RPS6KA1: variants seen among roughly 807,000 people sequenced by gnomAD.
RPS6KA1 encodes ribosomal protein S6 kinase alpha-1.
In RPS6KA1, 48 loss-of-function variants were observed where a neutral mutation model predicts 91.3. The observed-to-expected ratio is 0.53, with a 90% CI of 0.42 to 0.67. RPS6KA1 has a LOEUF of 0.67. RPS6KA1 is among the 30% of genes least tolerant of loss of function. The pLI is 0.00. For synonymous variants in RPS6KA1, 359 were observed against 384.7 expected (o/e 0.93, Z 0.78); for missense variants, 719 against 960.5 (o/e 0.75, Z 3.32).
In RPS6KA1 at chr1:26,547,131, T is replaced by A; in HGVS notation, c.226-58T>A. ...GCTTGGGGCTCAGAGAAGATAGAGG[T>A]CAGCCTGGACTCAGACCTCTCCCAT... On this transcript the variant is annotated intron_variant, in intron 3 of 21. Transcript: ENST00000374168. The surrounding 1 kb of genome is among the most constrained non-coding windows in gnomAD (Gnocchi z 4.1). 6.3e-7 allele frequency: 1 copy of A among 1,584,924 alleles called. No homozygotes were observed. Among genetic ancestry groups the A allele is most frequent in the Non-Finnish European group, 8.7e-7 (1 of 1,154,182 alleles).
chr1:26,538,532 A>G lies in RPS6KA1; in HGVS notation c.108+1563A>G, dbSNP rs1021188213. 3.3e-5 allele frequency among the ~76,000 whole-genome samples: 5 copies of G among 152,322 alleles called. 1 individual carries two copies. Among genetic ancestry groups the G allele is most frequent in the South Asian group, 4.1e-4 (2 of 4,830 alleles). The stretch of plus-strand genomic sequence containing the variant: ...AGACAGGGCTGGAGATGGATGGGAC[A>G]TGGAGTCTCGAATGCCACTTAAGGA... On this transcript the variant is annotated intron_variant, in intron 2 of 21. Coordinates refer to ENST00000374168, the MANE Select transcript of RPS6KA1 (RefSeq NM_002953.4).
Position 26,554,575 on chromosome 1 carries a change from C to G in RPS6KA1, c.614-21C>G. On this transcript the variant is annotated intron_variant, in intron 8 of 21. Coordinates refer to ENST00000374168, the MANE Select transcript of RPS6KA1 (RefSeq NM_002953.4). This position sits in a 1 kb window ranked among gnomAD's most constrained non-coding sequence, Gnocchi z 4.6. ...GAAGGCAGGGGTCCTAAGGTGTGTC[C>G]TCCTGCCCTCCTTGCTGTAGACTTT... is the stretch of plus-strand genomic sequence containing the variant. The G allele has an allele frequency of 6.2e-7, 1 of 1,604,140 alleles. No homozygotes were observed. Among genetic ancestry groups the G allele is most frequent in the South Asian group, 1.1e-5 (1 of 90,318 alleles).
At position 26,530,849 on chromosome 1, in the gene RPS6KA1, C is replaced by T. The variant is rs113159931; in HGVS notation, c.63+866C>T. 111 of 1,286,402 alleles carry T rather than the reference C, an allele frequency of 8.6e-5. 1 individual carries two copies. In the African/African-American group the frequency reaches 1.5e-3, roughly 17 times the overall value. 79.7% of individuals were successfully genotyped at this position (1,286,402 alleles called of 1,614,324 possible). A position where few individuals can be genotyped will look rare whatever the true frequency, so the allele number is the denominator to read the frequency against. Reference sequence around the variant, plus strand: ...TGACCCCAGGGTCAAGGTCAAGCCCCTGAATGAGCTGGTGGAAAACTTCCT... The same window carrying T: ...TGACCCCAGGGTCAAGGTCAAGCCCTTGAATGAGCTGGTGGAAAACTTCCT... On this transcript the variant is annotated intron_variant, in intron 1 of 21. Transcript: ENST00000374168.
chr1:26,562,019 A>C (rs534585335), intron 17 of RPS6KA1, among the ~76,000 whole-genome samples: 4 of 152,090 alleles, frequency 2.6e-5, no homozygotes, highest in Non-Finnish European at 4.4e-5. Context: ...CCTGGCCAAC[A>C]TGGTGAAACC....
intron 2 of RPS6KA1, chr1:26,546,076 C>T: frequency 6.3e-7 from 1 of 1,597,560 alleles, no homozygotes; most frequent in Non-Finnish European, 8.5e-7. Context: ...TGGCTGTGTC[C>T]CTTGCAGCAG....
Position 26,529,881 on chromosome 1 carries a change from G to C in RPS6KA1, c.-40G>C. 2.1e-6 allele frequency: 3 copies of C among 1,396,076 alleles called. No individual in the cohort carries two copies. Among genetic ancestry groups the C allele is most frequent in the Non-Finnish European group, 2.8e-6 (3 of 1,070,358 alleles). 86.5% of individuals were successfully genotyped at this position (1,396,076 alleles called of 1,614,324 possible). Reference sequence around the variant, plus strand: ...CCAGGACCCGGGAGGCGGCGCAGCCGGGGCCGCCGGAGGAGCGCGGGTGAC... The same window carrying C: ...CCAGGACCCGGGAGGCGGCGCAGCCCGGGCCGCCGGAGGAGCGCGGGTGAC... On this transcript the variant is annotated 5_prime_UTR_variant, in exon 1 of 22. Coordinates refer to ENST00000374168, the MANE Select transcript of RPS6KA1 (RefSeq NM_002953.4). The surrounding 1 kb of genome is among the most constrained non-coding windows in gnomAD (Gnocchi z 4.2).
chr1:26,549,402 C>G (rs2076025983), intron 4 of RPS6KA1, among the ~76,000 whole-genome samples: 2 of 151,914 alleles, frequency 1.3e-5, no homozygotes, highest in African/African-American at 2.4e-5. Flanking sequence ...GAAACCCTGT[C>G]TCTACTAAAA....
chr1:26,573,119 A>T (rs1039888086), intron 20 of RPS6KA1, 105 bp from the exon 21 acceptor site: 1 of 1,228,464 alleles, frequency 8.1e-7, no homozygotes, highest in East Asian at 2.3e-5. Flanking sequence ...GGCTGCCGCA[A>T]GGGTTCAGGC....
chr1:26,533,864 C>CGGACCCA (rs2075886880), intron 1 of RPS6KA1, among the ~76,000 whole-genome samples: 1 of 152,128 alleles, frequency 6.6e-6, no homozygotes, highest in Non-Finnish European at 1.5e-5. Flanking sequence ...CAGATGACCC[C>CGGACCCA]GGACCCAGGA....
rs542314451 is a variant in RPS6KA1 at position 26,558,611 on chromosome 1, C to A, written c.1085-196C>A. Among the ~76,000 whole-genome samples the A allele has an allele frequency of 1.3e-5, 2 of 152,170 alleles. No individual in the cohort carries two copies. Among genetic ancestry groups the A allele is most frequent in the East Asian group, 3.9e-4 (2 of 5,194 alleles). The stretch of plus-strand genomic sequence containing the variant: ...GTGAGAGTCTTTTTTGTTCCTCATG[C>A]GACAGGACTGGGCTGGTCTAATAAA... On this transcript the variant is annotated intron_variant, in intron 13 of 21. Coordinates refer to ENST00000374168, the MANE Select transcript of RPS6KA1 (RefSeq NM_002953.4). The surrounding 1 kb of genome is among the most constrained non-coding windows in gnomAD (Gnocchi z 4.0).
chr1:26,569,060 G>A (rs1042107159), intron 17 of RPS6KA1, among the ~76,000 whole-genome samples: 2 of 151,912 alleles, frequency 1.3e-5, no homozygotes, highest in Non-Finnish European at 2.9e-5. Flanking sequence ...GCATGGTGGT[G>A]CACACCTGTA....
At chr1:26,567,265 A>AT (rs2076210984) in intron 17 of RPS6KA1, among the ~76,000 whole-genome samples, 1 of 151,980 alleles carries the variant, frequency 6.6e-6, no homozygotes, top group South Asian at 2.1e-4. Context: ...GGCTCAAGCG[A>AT]TTCTCCCACC....
chr1:26,546,760 C>G (rs2075998162), intron 2 of RPS6KA1, 107 bp from the exon 3 acceptor site: 2 of 782,158 alleles, frequency 2.6e-6, no homozygotes, highest in Admixed American at 4.2e-5. Flanking sequence ...GTCTATTGGG[C>G]CTTTAGGTTC....
chr1:26,553,481 G>C lies in RPS6KA1; in HGVS notation c.559G>C (p.Asp187His), dbSNP rs749627318. 2 of 1,610,874 alleles carry C rather than the reference G, an allele frequency of 1.2e-6. No individual in the cohort carries two copies. The highest frequency in any genetic ancestry group is 2.2e-5 in the South Asian group (2 of 90,738). The change falls in exon 7 of 22, where the codon GAC becomes CAC. Residue 187 changes from aspartate to histidine, a missense_variant. Asp to His is a moderately conservative substitution (Grantham distance 81). Around this residue, in one of 5 missense-constraint regions of RPS6KA1, gnomAD observed 159 missense variants for 264.5 expected, o/e 0.60. Transcript: ENST00000374168. ...GCACAGCCTGGGTATCATTTACAGAGACCTCAAGCCTGAGAAGTGAGTGAA... is the reference window on the plus strand; with the variant it reads ...GCACAGCCTGGGTATCATTTACAGACACCTCAAGCCTGAGAAGTGAGTGAA... ...HLHSLGIIYR[D>H]LKPENILLDE...
At chr1:26,567,641 A>T (rs757369577) in intron 17 of RPS6KA1, among the ~76,000 whole-genome samples, 1 of 152,094 alleles carries the variant, frequency 6.6e-6, no homozygotes, top group Non-Finnish European at 1.5e-5. Context: ...GGCCTTCCAA[A>T]GTGCTGGGAT....
At position 26,555,282 on chromosome 1, in the gene RPS6KA1, G is replaced by A. The variant is rs2076090108; in HGVS notation, c.827+61G>A. On this transcript the variant is annotated intron_variant, in intron 10 of 21. Coordinates refer to ENST00000374168, the MANE Select transcript of RPS6KA1 (RefSeq NM_002953.4). This position sits in a 1 kb window ranked among gnomAD's most constrained non-coding sequence, Gnocchi z 4.3. The stretch of plus-strand genomic sequence containing the variant: ...CTCCAAGCCCCAGCCCCAGTTTGGG[G>A]GTCAGAATATTATTACCCTGTCCCT... 1.9e-6 allele frequency: 3 copies of A among 1,538,840 alleles called. No homozygotes were observed. Among genetic ancestry groups the A allele is most frequent in the African/African-American group, 1.4e-5 (1 of 73,396 alleles).
chr1:26,559,038 A>G, intron 14 of RPS6KA1, 101 bp downstream of exon 14: 1 of 1,418,924 alleles, frequency 7.0e-7, no homozygotes, highest in Non-Finnish European at 9.5e-7. Flanking sequence ...CCCTCATGCC[A>G]CTGTGGGACC....
At chr1:26,550,097 T>A (rs1196775473) in intron 4 of RPS6KA1, among the ~76,000 whole-genome samples, 3 of 151,760 alleles carry the variant, frequency 2.0e-5, no homozygotes, top group East Asian at 3.9e-4. Context: ...CAGGCTGGTC[T>A]CAAACTCCTG....
In RPS6KA1 at chr1:26,558,516, TAA is replaced by T. The variant is rs2076125245; in HGVS notation, c.1085-290_1085-289del. On this transcript the variant is annotated intron_variant, in intron 13 of 21. Transcript: ENST00000374168. The surrounding 1 kb of genome is among the most constrained non-coding windows in gnomAD (Gnocchi z 4.0). The stretch of plus-strand genomic sequence containing the variant: ...AGAGATGGACCTGAAGGGGCTGACG[TAA>T]GATGGGGAAGCTGGGGAGGAAGCAT... Among the ~76,000 whole-genome samples, 1 of 152,088 alleles carries T rather than the reference TAA, an allele frequency of 6.6e-6. No homozygotes were observed. Among genetic ancestry groups the T allele is most frequent in the Non-Finnish European group, 1.5e-5 (1 of 67,990 alleles).
Sources: allele counts gnomAD v4.1 joint callset (sites outside exome capture counted in the v4.1 genomes callset), GRCh38; gene constraint gnomAD v4.1.1; regional missense constraint gnomAD v4.1.1; non-coding constraint Gnocchi (gnomAD v3.1); transcripts MANE v1.5; gene names NCBI Gene and HGNC (gene_info 2026-07-23, HGNC 2026-07-21).